Variants in HEATR9 observed in about 807,000 individuals in gnomAD.
The protein encoded by HEATR9 is protein HEATR9.
Under a neutral mutation model 68.2 loss-of-function variants are expected in HEATR9, and 54 were observed. That is an observed-to-expected ratio of 0.79 (90% CI 0.64 to 0.99). The LOEUF is 0.99. Among genes scored for constraint, HEATR9 ranks in the 50% least tolerant of loss-of-function variants. The pLI, the probability that HEATR9 is intolerant of heterozygous loss-of-function variation, is 0.00. For missense variants in HEATR9, 662 were observed against 679.7 expected (o/e 0.97, Z 0.29); for synonymous variants, 241 against 253.5 (o/e 0.95, Z 0.47).
At chr17:35,863,184 G>T in intron 7 of HEATR9, 59 bp from the exon 8 acceptor site, 1 of 1,606,274 alleles carries the variant, frequency 6.2e-7, no homozygotes, top group African/African-American at 1.3e-5. Context: ...CTCTCTGCAA[G>T]GACCCATTGA....
Position 35,858,431 on chromosome 17 carries a change from A to G in HEATR9, c.1032+2T>C, listed in dbSNP as rs1375007685. 5 of 1,614,078 alleles carry G rather than the reference A, an allele frequency of 3.1e-6. No homozygotes were observed. The Admixed American group carries it at 8.3e-5, about 27-fold the overall frequency. ...GAAGGGTTCAGGCAGTCCAGAGCTTACCTCAAGGACACTGGAAGAACACAG... is the reference window on the plus strand; with the variant it reads ...GAAGGGTTCAGGCAGTCCAGAGCTTGCCTCAAGGACACTGGAAGAACACAG... On this transcript the variant is annotated splice_donor_variant, in intron 10 of 14. Coordinates refer to ENST00000604834, the MANE Select transcript of HEATR9 (RefSeq NM_152781.4). LOFTEE classifies it high-confidence loss of function.
At position 35,858,463 on chromosome 17, in the gene HEATR9, T is replaced by A. The variant is rs1227113568; in HGVS notation, c.1002A>T (p.Leu334=). The A allele has an allele frequency of 6.2e-7, 1 of 1,614,152 alleles. No individual in the cohort carries two copies. Among genetic ancestry groups the A allele is most frequent in the Non-Finnish European group, 8.5e-7 (1 of 1,180,014 alleles). Residue 334 remains leucine, a synonymous_variant, in exon 10 of 15, where the codon CTA becomes CTT. Coordinates refer to ENST00000604834, the MANE Select transcript of HEATR9 (RefSeq NM_152781.4). Reference sequence around the variant, plus strand: ...GGACACTGGAAGAACACAGCTGGTCTAGGATGGCCTTGATGACTGGGGCTG... The same window carrying A: ...GGACACTGGAAGAACACAGCTGGTCAAGGATGGCCTTGATGACTGGGGCTG... The part of the protein sequence containing the change: ...VHSAPVIKAI[L]DQLCSSSVLE...
rs929218591 is a variant in HEATR9 at position 35,863,521 on chromosome 17, G to A, written c.606C>T (p.Tyr202=). ...ACTCACCCAGGATGGCCAGGGTTCG[G>A]TAGGCCTCGTACTTCACTTTCTCTG... ...TGPEKVKYEA[Y]RTLAILGCLN... Residue 202 remains tyrosine (Y), a synonymous_variant, in exon 7 of 15, where the codon TAC becomes TAT. Transcript: ENST00000604834. 5 of 1,614,222 alleles carry A rather than the reference G, an allele frequency of 3.1e-6. No individual in the cohort carries two copies. The African/African-American group carries it at 4.0e-5, about 13-fold the overall frequency.
chr17:35,868,627 G>A (rs1390028598), intron 1 of HEATR9, 28 bp downstream of exon 1: 1 of 1,613,880 alleles, frequency 6.2e-7, no homozygotes, highest in African/African-American at 1.3e-5. Context: ...CCTGCTCTTG[G>A]CTCCATTTCT....
chr17:35,858,125 CA>C, intron 11 of HEATR9, 74 bp downstream of exon 11: 1 of 1,591,044 alleles, frequency 6.3e-7, no homozygotes, highest in South Asian at 1.1e-5. Flanking sequence ...CGGTGGAGGC[CA>C]GGGGAGGTCT....
rs1028865529 is a variant in HEATR9 at position 35,856,089 on chromosome 17, A to C, written c.1278+84T>G. The C allele has an allele frequency of 2.1e-6, 3 of 1,423,568 alleles. No individual in the cohort carries two copies. The African/African-American group carries it at 4.2e-5, about 20-fold the overall frequency. The allele number at this position is 1,423,568 out of a possible 1,614,324, so 88.2% of individuals were successfully genotyped here. A position where few individuals can be genotyped will look rare whatever the true frequency, so the allele number is the denominator to read the frequency against. On this transcript the variant is annotated intron_variant, in intron 13 of 14. Transcript: ENST00000604834. ...ACTTCCCCGAAGTTTACAGGCCTTTATTCCCCTCAGTGACTCTGCTCAATC... is the reference window on the plus strand; with the variant it reads ...ACTTCCCCGAAGTTTACAGGCCTTTCTTCCCCTCAGTGACTCTGCTCAATC...
At position 35,868,795 on chromosome 17, in the gene HEATR9, T is replaced by C; in HGVS notation, c.-53A>G. On this transcript the variant is annotated 5_prime_UTR_variant, in exon 1 of 15. Transcript: ENST00000604834. ...ACCTGCAGGGGGGAATACAAGGCTT[T>C]TAGGGGAGTGGGGGCACAGCTGGAG... 6.5e-7 allele frequency: 1 copy of C among 1,541,186 alleles called. No individual in the cohort carries two copies. Among genetic ancestry groups the C allele is most frequent in the African/African-American group, 1.4e-5 (1 of 73,560 alleles).
intron 13 of HEATR9, 76 bp downstream of exon 13, chr17:35,856,097 C>T: frequency 6.8e-7 from 1 of 1,464,504 alleles, no homozygotes; most frequent in Non-Finnish European, 9.6e-7. Flanking sequence ...TTATTCCCCT[C>T]AGTGACTCTG....
chr17:35,865,014 G>T, intron 3 of HEATR9, 124 bp from the exon 4 acceptor site: 1 of 1,407,568 alleles, frequency 7.1e-7, no homozygotes, highest in Non-Finnish European at 9.9e-7. Flanking sequence ...GACAGATGAG[G>T]ACTCAGTGAT....
chr17:35,867,643 A>G (rs2088256644), intron 1 of HEATR9, among the ~76,000 whole-genome samples: 1 of 152,060 alleles, frequency 6.6e-6, no homozygotes, highest in African/African-American at 2.4e-5. Flanking sequence ...ACTGCCCCCT[A>G]ACCCTCAATT....
intron 11 of HEATR9, among the ~76,000 whole-genome samples, chr17:35,857,893 G>T (rs2087832867): frequency 6.6e-6 from 1 of 152,224 alleles, no homozygotes; most frequent in Admixed American, 6.5e-5. Flanking sequence ...GGTATCGTTG[G>T]GATCGGTCTT....
rs1256433571 is a variant in HEATR9 at position 35,858,761 on chromosome 17, T to C, written c.939+127A>G. ...GTCCATATGACCCCATACTCATACA[T>C]GGACATAGTCATAAGCACACAGAGG... On this transcript the variant is annotated intron_variant, in intron 9 of 14. Coordinates refer to ENST00000604834, the MANE Select transcript of HEATR9 (RefSeq NM_152781.4). The C allele has an allele frequency of 3.7e-6, 4 of 1,080,404 alleles. No individual in the cohort carries two copies. The Admixed American group carries it at 8.2e-5, about 22-fold the overall frequency. 66.9% of individuals were successfully genotyped at this position (1,080,404 alleles called of 1,614,324 possible). A position where few individuals can be genotyped will look rare whatever the true frequency, so the allele number is the denominator to read the frequency against.
intron 1 of HEATR9, 105 bp downstream of exon 1, chr17:35,868,549 AG>A: frequency 6.5e-7 from 1 of 1,539,378 alleles, no homozygotes; most frequent in East Asian, 2.3e-5. Context: ...ATGTTTCCCA[AG>A]GGTTTGCTGA....
chr17:35,859,536 C>T (rs1253102787), intron 8 of HEATR9, among the ~76,000 whole-genome samples: 1 of 152,178 alleles, frequency 6.6e-6, no homozygotes, highest in Admixed American at 6.5e-5. Context: ...ATCCATTGAG[C>T]CTGCCACCTT....
intron 6 of HEATR9, 118 bp from the exon 7 acceptor site, chr17:35,863,677 G>A (rs2088084911): frequency 9.1e-7 from 1 of 1,098,060 alleles, no homozygotes; most frequent in African/African-American, 1.5e-5. Flanking sequence ...CCTAGAAAGT[G>A]ACCTATCTAT....
intron 8 of HEATR9, 121 bp downstream of exon 8, chr17:35,862,874 G>T: frequency 2.1e-6 from 3 of 1,411,340 alleles, no homozygotes; most frequent in South Asian, 1.3e-5. Context: ...ACTCCTCAAG[G>T]ACAGTGTCTT....
At chr17:35,861,407 C>T in intron 8 of HEATR9, 1 of 1,609,188 alleles carries the variant, frequency 6.2e-7, no homozygotes, top group Non-Finnish European at 8.5e-7. Flanking sequence ...TTCCGGAATG[C>T]TTTGGTCCAC....
chr17:35,858,736 G>T, intron 9 of HEATR9, 152 bp downstream of exon 9: 1 of 907,052 alleles, frequency 1.1e-6, no homozygotes, highest in Non-Finnish European at 1.7e-6. Flanking sequence ...ACGCTTATAT[G>T]TCCATATGAC....
rs543741849 is a variant in HEATR9, at chr17:35,865,111, G to A, written c.320+104C>T. On this transcript the variant is annotated intron_variant, in intron 3 of 14. Coordinates refer to ENST00000604834, the MANE Select transcript of HEATR9 (RefSeq NM_152781.4). ...CGCCCTAAGCTCCTCTCTGGGACCT[G>A]TAGGCTGACTTGCCTTACTCCCTGG... 17 of 1,400,142 alleles carry A rather than the reference G, an allele frequency of 1.2e-5. No individual in the cohort carries two copies. The African/African-American group carries it at 2.4e-4, about 20-fold the overall frequency. 86.7% of individuals were successfully genotyped at this position (1,400,142 alleles called of 1,614,324 possible).
Sources: gnomAD v4.1 joint callset for allele counts (sites outside exome capture counted in the v4.1 genomes callset) on GRCh38, gnomAD v4.1.1 for gene constraint, MANE v1.5 for transcripts, NCBI Gene and HGNC (gene_info 2026-07-23, HGNC 2026-07-21) for gene names.